TDRD9: variants seen among roughly 807,000 people sequenced by gnomAD.
TDRD9 encodes the protein ATP-dependent RNA helicase TDRD9.
Under a neutral mutation model 172.6 loss-of-function variants are expected in TDRD9, and 124 were observed. The observed-to-expected ratio is 0.72, with a 90% CI of 0.62 to 0.83. The LOEUF is 0.83. Ranked by LOEUF, TDRD9 falls within the 40% of genes least tolerant of loss-of-function variation. TDRD9 has a pLI of 0.00. For missense variants in TDRD9, 1,479 were observed against 1,714.1 expected (o/e 0.86, Z 2.42); for synonymous variants, 619 against 617.1 (o/e 1.00, Z -0.05).
intron 8 of TDRD9, among the ~76,000 whole-genome samples, chr14:103,990,600 C>CT (rs1274518648): frequency 6.6e-6 from 1 of 152,228 alleles, no homozygotes; most frequent in African/African-American, 2.4e-5. Flanking sequence ...TCCTGTCTGT[C>CT]TCTCCAGTTA....
At position 104,006,827 on chromosome 14, in the gene TDRD9, A is replaced by G. The variant is rs2034455260; in HGVS notation, c.1989A>G (p.Ala663=). ...FSGSSKSDCI[A]LVEAFKTWKA... Reference sequence around the variant, plus strand: ...GCAGTAGCAAGAGTGACTGTATTGCACTTGTTGAGGCATTTAAAGTAAGTT... The same window carrying G: ...GCAGTAGCAAGAGTGACTGTATTGCGCTTGTTGAGGCATTTAAAGTAAGTT... The change falls in exon 18 of 36, where the codon GCA becomes GCG. Residue 663 remains alanine (A), a synonymous_variant. Coordinates refer to ENST00000409874, the MANE Select transcript of TDRD9 (RefSeq NM_153046.3). The G allele has an allele frequency of 6.2e-7, 1 of 1,613,128 alleles. No homozygotes were observed. Among genetic ancestry groups the G allele is most frequent in the Non-Finnish European group, 8.5e-7 (1 of 1,179,430 alleles).
intron 34 of TDRD9, among the ~76,000 whole-genome samples, chr14:104,042,773 A>G (rs1255098958): frequency 6.6e-6 from 1 of 152,130 alleles, no homozygotes; most frequent in Non-Finnish European, 1.5e-5. Context: ...CCCCAGAGCC[A>G]GTCTCCCTGG....
chr14:103,938,433 TATA>T (rs1168774871), intron 1 of TDRD9, among the ~76,000 whole-genome samples: 111 of 61,434 alleles, frequency 1.8e-3, no homozygotes, highest in African/African-American at 4.7e-3. Context: ...TATATATATA[TATA>T]TATATTTTTT....
At chr14:103,967,754 T>C (rs1048483592) in intron 5 of TDRD9, among the ~76,000 whole-genome samples, 6 of 152,142 alleles carry the variant, frequency 3.9e-5, no homozygotes, top group African/African-American at 1.4e-4. Context: ...TCTTACAAAA[T>C]AGGGTGATAT....
chr14:104,048,294 AG>A (rs1363874251), intron 34 of TDRD9, among the ~76,000 whole-genome samples: 3 of 152,186 alleles, frequency 2.0e-5, no homozygotes, highest in African/African-American at 7.2e-5. Context: ...GCTGGAGTGC[AG>A]TGATGTGATC....
At chr14:103,990,590 T>G (rs1209751383) in intron 8 of TDRD9, among the ~76,000 whole-genome samples, 1 of 152,208 alleles carries the variant, frequency 6.6e-6, no homozygotes, top group Non-Finnish European at 1.5e-5. Flanking sequence ...TTTTCTTGTT[T>G]CCTGTCTGTC....
chr14:103,943,280 G>A (rs1343613632), intron 1 of TDRD9, among the ~76,000 whole-genome samples: 6 of 151,796 alleles, frequency 4.0e-5, no homozygotes, highest in Non-Finnish European at 8.8e-5. Context: ...ATAGGTGCAT[G>A]CCACCACAGG....
At chr14:104,007,738 T>C (rs1471222960) in intron 19 of TDRD9, among the ~76,000 whole-genome samples, 1 of 152,120 alleles carries the variant, frequency 6.6e-6, no homozygotes. Flanking sequence ...TTGCTGTGCT[T>C]AGATATATCT....
At chr14:104,033,245 C>A (rs913242349) in intron 30 of TDRD9, among the ~76,000 whole-genome samples, 3 of 152,204 alleles carry the variant, frequency 2.0e-5, no homozygotes, top group Non-Finnish European at 2.9e-5. Flanking sequence ...CTAGGGCCTT[C>A]CAAATGAGCC....
intron 22 of TDRD9, among the ~76,000 whole-genome samples, chr14:104,016,714 G>C (rs2034804319): frequency 6.6e-6 from 1 of 152,216 alleles, no homozygotes; most frequent in Non-Finnish European, 1.5e-5. Flanking sequence ...ACTCACACTG[G>C]AAGAAAGCTG....
intron 7 of TDRD9, among the ~76,000 whole-genome samples, chr14:103,984,096 G>A (rs557501717): frequency 6.6e-6 from 1 of 152,182 alleles, no homozygotes; most frequent in Non-Finnish European, 1.5e-5. Flanking sequence ...GCATTCAAGA[G>A]GTGTCTTGGA....
chr14:104,040,474 C>A, intron 33 of TDRD9, 140 bp downstream of exon 33: 11 of 932,392 alleles, frequency 1.2e-5, no homozygotes, highest in Non-Finnish European at 1.6e-5. Flanking sequence ...GTTCCTTGTC[C>A]CTCCTGGAGT....
At chr14:104,050,143 C>T (rs780799030) in intron 35 of TDRD9, among the ~76,000 whole-genome samples, 7 of 152,108 alleles carry the variant, frequency 4.6e-5, no homozygotes, top group African/African-American at 1.7e-4. Flanking sequence ...GCTGGAAGTC[C>T]TAGGGAAGGT....
Position 104,025,767 on chromosome 14 carries a change from T to C in TDRD9, c.2922T>C (p.Asn974=). The C allele has an allele frequency of 6.2e-7, 1 of 1,613,638 alleles. No individual in the cohort carries two copies. Among genetic ancestry groups the C allele is most frequent in the Non-Finnish European group, 8.5e-7 (1 of 1,179,618 alleles). ...FRAQVLYVSG[N]SAEVFFVDYG... is the part of the protein sequence containing the mutation. The stretch of plus-strand genomic sequence containing the variant: ...CTCAAGTCCTTTATGTTTCTGGAAA[T>C]TCTGCTGAGGTAGGTTTTTCTGTAA... Residue 974 remains asparagine, a synonymous_variant, in exon 26 of 36, where the codon AAT becomes AAC. Transcript: ENST00000409874.
chr14:103,941,059 A>C, intron 1 of TDRD9: 1 of 1,535,320 alleles, frequency 6.5e-7, no homozygotes, highest in Non-Finnish European at 8.7e-7. Context: ...GATGTAGACT[A>C]TTTCCCATGG....
rs1168212471 is a variant in TDRD9 at position 103,972,285 on chromosome 14, C to CA, written c.846+1666dup. Among the ~76,000 whole-genome samples the CA allele has an allele frequency of 2.0e-5, 3 of 150,894 alleles. No homozygotes were observed. The East Asian group carries it at 5.8e-4, about 29-fold the overall frequency. On this transcript the variant is annotated intron_variant, in intron 6 of 35. Transcript: ENST00000409874. ...TTGTGCCACTGCACTCCAGCCTGGGCAACAGAGAGAGACTGCATTTAAAAA... is the reference window on the plus strand; with the variant it reads ...TTGTGCCACTGCACTCCAGCCTGGGCAAACAGAGAGAGACTGCATTTAAAAA...
chr14:103,931,214 G>C (rs890507824), intron 1 of TDRD9, among the ~76,000 whole-genome samples: 1 of 151,662 alleles, frequency 6.6e-6, no homozygotes, highest in South Asian at 2.1e-4. Context: ...TGGGAGAATT[G>C]CTTGAGTCCC....
intron 2 of TDRD9, among the ~76,000 whole-genome samples, chr14:103,960,749 T>C (rs2032470732): frequency 6.6e-6 from 1 of 152,220 alleles, no homozygotes; most frequent in South Asian, 2.1e-4. Context: ...GGCTATGGTA[T>C]AGACAGTACC....
chr14:104,052,235 G>C lies in TDRD9; in HGVS notation c.*153G>C, dbSNP rs914210100. On this transcript the variant is annotated 3_prime_UTR_variant, in exon 36 of 36. Coordinates refer to ENST00000409874, the MANE Select transcript of TDRD9 (RefSeq NM_153046.3). ...CCTTTTCTTTCTTCTTTTCTCTTTG[G>C]GTGATAGTCAGAGAGTGGTGTTTTT... 1 of 507,292 alleles carries C rather than the reference G, an allele frequency of 2.0e-6. No individual in the cohort carries two copies. Among genetic ancestry groups the C allele is most frequent in the African/African-American group, 1.9e-5 (1 of 51,794 alleles). The allele number at this position is 507,292 out of a possible 1,614,324, so 31.4% of individuals were successfully genotyped here.
Sources: gnomAD v4.1 joint callset for allele counts (sites outside exome capture counted in the v4.1 genomes callset) on GRCh38, gnomAD v4.1.1 for gene constraint, MANE v1.5 for transcripts, NCBI Gene and HGNC (gene_info 2026-07-23, HGNC 2026-07-21) for gene names.